The following ETV6 variants were observed in gnomAD, a reference collection of about 807,000 sequenced individuals.
ETV6 encodes the protein ETS variant transcription factor 6, also known as transcription factor ETV6.
Under a neutral mutation model 51.1 loss-of-function variants are expected in ETV6, and 16 were observed. The ratio of observed to expected loss-of-function variants is 0.31; its 90% CI spans 0.21 to 0.48. The LOEUF is 0.48. Ranked by LOEUF, ETV6 falls within the 20% of genes least tolerant of loss-of-function variation. ETV6 has a pLI of 0.99. For missense variants in ETV6, 458 were observed against 594.8 expected, an observed-to-expected ratio of 0.77 and a Z score of 2.39; for synonymous variants, 240 against 224.1, an observed-to-expected ratio of 1.07 and a Z score of -0.64.
At chr12:11,806,754 T>G (rs1383443459) in intron 2 of ETV6, among the ~76,000 whole-genome samples, 3 of 152,248 alleles carry the variant, frequency 2.0e-5, no homozygotes, top group African/African-American at 7.2e-5. Context: ...TTGCATGTTC[T>G]GTGTAGGGAT....
intron 4 of ETV6, among the ~76,000 whole-genome samples, chr12:11,862,145 C>G (rs1946726614): frequency 2.0e-5 from 3 of 152,076 alleles, no homozygotes; most frequent in South Asian, 2.1e-4. Context: ...TTTGTTTAGC[C>G]CCTTTCATCA....
chr12:11,768,915 A>G (rs760094597), intron 2 of ETV6: 8 of 482,872 alleles, frequency 1.7e-5, no homozygotes, highest in South Asian at 1.2e-4. Flanking sequence ...TGGAAATACC[A>G]TTTGTGACTG....
At chr12:11,703,778 G>A (rs1252503350) in intron 1 of ETV6, among the ~76,000 whole-genome samples, 2 of 152,162 alleles carry the variant, frequency 1.3e-5, no homozygotes, top group African/African-American at 4.8e-5. Flanking sequence ...CTTCCTGGAT[G>A]GGAGTTTGAA....
chr12:11,719,988 C>T (rs559180748), intron 1 of ETV6, among the ~76,000 whole-genome samples: 5 of 152,302 alleles, frequency 3.3e-5, no homozygotes, highest in African/African-American at 7.2e-5. Context: ...CCTCTCCCAC[C>T]GTGGCCTCAG....
chr12:11,752,859 T>A, intron 2 of ETV6: 1 of 292,066 alleles, frequency 3.4e-6, no homozygotes. Flanking sequence ...GCCAACTAAA[T>A]CTCCTAGTAG....
At chr12:11,818,980 C>A (rs1421444647) in intron 2 of ETV6, among the ~76,000 whole-genome samples, 1 of 152,174 alleles carries the variant, frequency 6.6e-6, no homozygotes, top group Non-Finnish European at 1.5e-5. Context: ...ACAGAGGTCC[C>A]TTCCCCTGAG....
At chr12:11,653,840 G>A (rs1387040177) in intron 1 of ETV6, among the ~76,000 whole-genome samples, 2 of 152,042 alleles carry the variant, frequency 1.3e-5, no homozygotes, top group Admixed American at 6.5e-5. Context: ...TGGAGACAGA[G>A]TCTCGCTCTG....
chr12:11,809,812 C>CT (rs927002978), intron 2 of ETV6, among the ~76,000 whole-genome samples: 2,755 of 81,800 alleles, frequency 0.034, 349 homozygotes, highest in East Asian at 0.08. Context: ...AGAGCTTCTG[C>CT]TTTTTTTTTT....
At chr12:11,842,172 C>G (rs1483228931) in intron 3 of ETV6, among the ~76,000 whole-genome samples, 1 of 152,138 alleles carries the variant, frequency 6.6e-6, no homozygotes, top group Non-Finnish European at 1.5e-5. Flanking sequence ...CTAGACACTC[C>G]CTTTGAAACA....
chr12:11,874,981 C>T (rs767945936), intron 5 of ETV6, among the ~76,000 whole-genome samples: 11 of 150,822 alleles, frequency 7.3e-5, no homozygotes, highest in African/African-American at 2.7e-4. Context: ...ACCAACATGG[C>T]ACATGTATAC....
At chr12:11,831,923 G>A (rs1306071049) in intron 2 of ETV6, among the ~76,000 whole-genome samples, 2 of 152,090 alleles carry the variant, frequency 1.3e-5, no homozygotes, top group African/African-American at 4.8e-5. Context: ...ACATTTACAG[G>A]GTTCTTAAAA....
At chr12:11,829,697 A>T (rs1213416554) in intron 2 of ETV6, among the ~76,000 whole-genome samples, 2 of 152,188 alleles carry the variant, frequency 1.3e-5, no homozygotes, top group Non-Finnish European at 2.9e-5. Flanking sequence ...ATAAGAAAAA[A>T]CATCATTCGA....
At chr12:11,875,518 A>G (rs1946969321) in intron 5 of ETV6, among the ~76,000 whole-genome samples, 2 of 152,234 alleles carry the variant, frequency 1.3e-5, no homozygotes, top group African/African-American at 4.8e-5. Context: ...TTTCAAAGCC[A>G]GAAAGTATAT....
At chr12:11,671,781 G>GT (rs1864320506) in intron 1 of ETV6, among the ~76,000 whole-genome samples, 1 of 152,146 alleles carries the variant, frequency 6.6e-6, no homozygotes, top group Non-Finnish European at 1.5e-5. Flanking sequence ...TCCCACCAGT[G>GT]TATATTGACT....
At chr12:11,845,428 A>T (rs1946447093) in intron 3 of ETV6, among the ~76,000 whole-genome samples, 1 of 152,118 alleles carries the variant, frequency 6.6e-6, no homozygotes, top group Non-Finnish European at 1.5e-5. Context: ...TGTTTATCTC[A>T]CCTTATAGTC....
Position 11,892,408 on chromosome 12 carries a change from C to G in ETV6, c.*1362C>G, listed in dbSNP as rs1411381560. 1 of 232,670 alleles carries G rather than the reference C, an allele frequency of 4.3e-6. No individual in the cohort carries two copies. Among genetic ancestry groups the G allele is most frequent in the Non-Finnish European group, 8.5e-6 (1 of 117,980 alleles). 14.4% of individuals were successfully genotyped at this position (232,670 alleles called of 1,614,324 possible). On this transcript the variant is annotated 3_prime_UTR_variant, in exon 8 of 8. Coordinates refer to ENST00000396373, the MANE Select transcript of ETV6 (RefSeq NM_001987.5). ...TTCATAGCTGTGTCTCAGAAAGGAC[C>G]CATTTGTGGCTCTTTTTCACCTCAA...
intron 4 of ETV6, among the ~76,000 whole-genome samples, chr12:11,856,817 GA>G (rs1404422302): frequency 4.0e-5 from 6 of 151,140 alleles, no homozygotes; most frequent in East Asian, 1.9e-4. Context: ...ATCTGGTTCT[GA>G]AAAAAAAATC....
chr12:11,661,181 G>A (rs1591592174), intron 1 of ETV6, among the ~76,000 whole-genome samples: 1 of 151,930 alleles, frequency 6.6e-6, no homozygotes, highest in East Asian at 1.9e-4. Flanking sequence ...TTGTGGAGAC[G>A]AGGTCTTGCT....
chr12:11,673,058 A>G (rs1336457816), intron 1 of ETV6, among the ~76,000 whole-genome samples: 1 of 152,202 alleles, frequency 6.6e-6, no homozygotes, highest in Non-Finnish European at 1.5e-5. Flanking sequence ...GAACTTGAAC[A>G]TTCAGTGACA....
Sources: gnomAD v4.1 joint callset for allele counts (sites outside exome capture counted in the v4.1 genomes callset) on GRCh38, gnomAD v4.1.1 for gene constraint, MANE v1.5 for transcripts, NCBI Gene and HGNC (gene_info 2026-07-23, HGNC 2026-07-21) for gene names.